The following PRKAA2 variants were observed in gnomAD, a reference collection of about 807,000 sequenced individuals.
PRKAA2 encodes the protein 5'-AMP-activated protein kinase catalytic subunit alpha-2.
Under a neutral mutation model 56.3 loss-of-function variants are expected in PRKAA2, and 40 were observed. The observed-to-expected ratio is 0.71, with a 90% CI of 0.55 to 0.92. The LOEUF is 0.92. Among genes scored for constraint, PRKAA2 ranks in the 40% least tolerant of loss-of-function variants. The probability of loss-of-function intolerance (pLI) is 0.00; values close to 1 mark genes in which losing one functional copy is unlikely to be tolerated. For missense variants in PRKAA2, 542 were observed against 686.9 expected, an observed-to-expected ratio of 0.79 and a Z score of 2.36; for synonymous variants, 214 against 234.2, an observed-to-expected ratio of 0.91 and a Z score of 0.79.
intron 1 of PRKAA2, among the ~76,000 whole-genome samples, chr1:56,657,663 A>G (rs2796530): frequency 0.99 from 149,658 of 151,886 alleles, 73,731 homozygotes; most frequent in East Asian, 1. Flanking sequence ...GTGACAGAGC[A>G]AGACTCCATC....
chr1:56,689,632 T>A lies in PRKAA2; in HGVS notation c.237-1762T>A, dbSNP rs183552493. Among the ~76,000 whole-genome samples the A allele has an allele frequency of 1.4e-3, 211 of 152,174 alleles. 2 individuals are homozygous for A. The highest frequency in any genetic ancestry group is 4.9e-3 in the African/African-American group (204 of 41,518). On this transcript the variant is annotated intron_variant, in intron 2 of 8. Coordinates refer to ENST00000371244, the MANE Select transcript of PRKAA2 (RefSeq NM_006252.4). ...TACTCGGGAGGTTGAGGCAGGAGAA[T>A]TTCTTGAACCCAGGAGGTGGGGTGC...
intron 1 of PRKAA2, among the ~76,000 whole-genome samples, chr1:56,653,377 T>C (rs1643916258): frequency 1.3e-5 from 2 of 151,938 alleles, no homozygotes; most frequent in Admixed American, 6.6e-5. Context: ...GTATTTTAAA[T>C]AGGAAACAAT....
intron 1 of PRKAA2, among the ~76,000 whole-genome samples, chr1:56,664,893 T>C (rs2796521): frequency 0.12 from 7,672 of 61,722 alleles, 269 homozygotes; most frequent in East Asian, 0.3. Context: ...CACACACACA[T>C]ATATACATAC....
rs994769410 is a variant in PRKAA2, at chr1:56,709,351, CTG to C, written c.*1639_*1640del. ...TATGGCTTTGCAGATCTTTTAAAAA[CTG>C]ATGTTAAATAACTTATAAGTCCAAC... is the stretch of plus-strand genomic sequence containing the variant. On this transcript the variant is annotated 3_prime_UTR_variant, in exon 9 of 9. Transcript: ENST00000371244. The C allele has an allele frequency of 6.6e-6, 1 of 152,094 alleles. No individual in the cohort carries two copies. Among genetic ancestry groups the C allele is most frequent in the Non-Finnish European group, 1.5e-5 (1 of 68,020 alleles). The allele number at this position is 152,094 out of a possible 1,614,324, so 9.4% of individuals were successfully genotyped here. A position where few individuals can be genotyped will look rare whatever the true frequency, so the allele number is the denominator to read the frequency against.
At chr1:56,673,301 G>A (rs1158589596) in intron 1 of PRKAA2, among the ~76,000 whole-genome samples, 1 of 152,164 alleles carries the variant, frequency 6.6e-6, no homozygotes, top group Admixed American at 6.6e-5. Flanking sequence ...TTGAGCCCAG[G>A]AGGTTGAGGC....
intron 1 of PRKAA2, among the ~76,000 whole-genome samples, chr1:56,655,280 A>ATATATATATTTTTTTTT: frequency 1.4e-4 from 13 of 93,644 alleles, no homozygotes; most frequent in South Asian, 1.1e-3. Flanking sequence ...ATATATATAT[A>ATATATATATTTTTTTTT]TTTTTTTTTT....
Position 56,704,488 on chromosome 1 carries a change from A to T in PRKAA2, c.1293+13A>T. ...TTTTGAATGGAAGGTAGGAAATTAT[A>T]ATGTAATAAGATCATTTGTAGAAGC... On this transcript the variant is annotated intron_variant, in intron 7 of 8. Transcript: ENST00000371244. The T allele has an allele frequency of 3.2e-6, 5 of 1,573,366 alleles. No individual in the cohort carries two copies. Among genetic ancestry groups the T allele is most frequent in the Non-Finnish European group, 4.3e-6 (5 of 1,166,322 alleles).
At chr1:56,700,044 C>T (rs545967125) in intron 6 of PRKAA2, among the ~76,000 whole-genome samples, 1 of 152,240 alleles carries the variant, frequency 6.6e-6, no homozygotes, top group Admixed American at 6.5e-5. Flanking sequence ...CTACTGTTTC[C>T]ATGAACATTT....
rs984277056 is a variant in PRKAA2 at position 56,708,895 on chromosome 1, T to C, written c.*1182T>C. On this transcript the variant is annotated 3_prime_UTR_variant, in exon 9 of 9. Transcript: ENST00000371244. The stretch of plus-strand genomic sequence containing the variant: ...AATTTTTATCTTAAATAAATAAATA[T>C]ATATATTCACACACCAGTGCTTTTA... The C allele has an allele frequency of 6.6e-6, 1 of 152,074 alleles. No homozygotes were observed. Among genetic ancestry groups the C allele is most frequent in the Non-Finnish European group, 1.5e-5 (1 of 68,012 alleles). The allele number at this position is 152,074 out of a possible 1,614,324, so 9.4% of individuals were successfully genotyped here. A position where few individuals can be genotyped will look rare whatever the true frequency, so the allele number is the denominator to read the frequency against.
intron 2 of PRKAA2, among the ~76,000 whole-genome samples, chr1:56,680,402 A>C (rs556869491): frequency 6.6e-6 from 1 of 152,272 alleles, no homozygotes; most frequent in South Asian, 2.1e-4. Flanking sequence ...GCACATGTGC[A>C]CAATGTGCAG....
chr1:56,696,537 T>A (rs1240788973), intron 6 of PRKAA2, among the ~76,000 whole-genome samples: 1 of 152,186 alleles, frequency 6.6e-6, no homozygotes, highest in Non-Finnish European at 1.5e-5. Flanking sequence ...CAGTGTGTCT[T>A]TTTTCTCTCT....
intron 1 of PRKAA2, among the ~76,000 whole-genome samples, chr1:56,654,575 A>C (rs1030540778): frequency 1.3e-5 from 2 of 152,216 alleles, no homozygotes; most frequent in African/African-American, 4.8e-5. Flanking sequence ...ATCAACTACA[A>C]ATATAAGAGA....
In PRKAA2 at chr1:56,692,388, C is replaced by G. The variant is rs1175956445; in HGVS notation, c.361C>G (p.Gln121Glu). Reference sequence around the variant, plus strand: ...AGAGATGGAAGCCAGGCGGCTCTTTCAGCAGATTCTGTCTGCTGTGGATTA... The same window carrying G: ...AGAGATGGAAGCCAGGCGGCTCTTTGAGCAGATTCTGTCTGCTGTGGATTA... ...VEEMEARRLF[Q>E]QILSAVDYCH... Residue 121 changes from glutamine (Q) to glutamate (E), a missense_variant, in exon 4 of 9, where the codon CAG (glutamine) becomes GAG (glutamate). Gln to Glu is a conservative substitution (Grantham distance 29). Coordinates refer to ENST00000371244, the MANE Select transcript of PRKAA2 (RefSeq NM_006252.4). The G allele has an allele frequency of 1.2e-6, 2 of 1,613,912 alleles. No individual in the cohort carries two copies. Among genetic ancestry groups the G allele is most frequent in the African/African-American group, 2.7e-5 (2 of 74,904 alleles).
intron 5 of PRKAA2, among the ~76,000 whole-genome samples, chr1:56,694,672 G>A (rs940436707): frequency 1.3e-5 from 2 of 151,944 alleles, no homozygotes; most frequent in African/African-American, 4.8e-5. Context: ...TCTCTCTGGG[G>A]TCGCTCTTAT....
At chr1:56,686,582 A>G (rs1644192520) in intron 2 of PRKAA2, among the ~76,000 whole-genome samples, 1 of 152,142 alleles carries the variant, frequency 6.6e-6, no homozygotes, top group Non-Finnish European at 1.5e-5. Flanking sequence ...ACAGAAGGCA[A>G]CTGGCAGCCA....
rs143678338 is a variant in PRKAA2, at chr1:56,691,335, C to A, written c.237-59C>A. ...TAAAATTGTAGCAAGAGTAGATATA[C>A]CAGTTTGATTTTGGTTAAAGTAACA... On this transcript the variant is annotated intron_variant, in intron 2 of 8. Transcript: ENST00000371244. The A allele has an allele frequency of 5.3e-4, 614 of 1,163,994 alleles. 3 individuals carry two copies. In the African/African-American group the frequency reaches 8.1e-3, roughly 15 times the overall value. 72.1% of individuals were successfully genotyped at this position (1,163,994 alleles called of 1,614,324 possible). A position where few individuals can be genotyped will look rare whatever the true frequency, so the allele number is the denominator to read the frequency against.
intron 1 of PRKAA2, among the ~76,000 whole-genome samples, chr1:56,662,751 G>GGT (rs1038985615): frequency 5.3e-5 from 8 of 152,190 alleles, no homozygotes; most frequent in East Asian, 3.9e-4. Context: ...TTGTTTTAAA[G>GGT]GTGTGTGTGT....
intron 2 of PRKAA2, among the ~76,000 whole-genome samples, chr1:56,677,458 A>G (rs1344067535): frequency 6.6e-6 from 1 of 152,194 alleles, no homozygotes; most frequent in Non-Finnish European, 1.5e-5. Flanking sequence ...GGGAAGGGAA[A>G]GATCTTTCCA....
chr1:56,646,124 T>C (rs1368780089), intron 1 of PRKAA2, among the ~76,000 whole-genome samples: 1 of 152,126 alleles, frequency 6.6e-6, no homozygotes, highest in Non-Finnish European at 1.5e-5. Context: ...CATCCCCAGA[T>C]TCCTTCACGT....
Sources: allele counts gnomAD v4.1 joint callset (sites outside exome capture counted in the v4.1 genomes callset), GRCh38; gene constraint gnomAD v4.1.1; transcripts MANE v1.5; gene names NCBI Gene and HGNC (gene_info 2026-07-23, HGNC 2026-07-21).